CPEB1: variants seen among roughly 807,000 people sequenced by gnomAD.
The protein encoded by CPEB1 is cytoplasmic polyadenylation element binding protein 1, also known as cytoplasmic polyadenylation element-binding protein 1.
In CPEB1, 7 loss-of-function variants were observed where a neutral mutation model predicts 65.8. The ratio of observed to expected loss-of-function variants is 0.11; its 90% confidence interval spans 0.06 to 0.20. CPEB1 has a LOEUF of 0.20. CPEB1 is among the 10% of genes least tolerant of loss of function. CPEB1 has a pLI of 1.00. For missense variants in CPEB1, 551 were observed against 712.2 expected (o/e 0.77, Z 2.58); for synonymous variants, 262 against 260.0 (o/e 1.01, Z -0.08).
At chr15:82,558,812 C>CA (rs1182134426) in intron 4 of CPEB1, among the ~76,000 whole-genome samples, 3 of 152,052 alleles carry the variant, frequency 2.0e-5, no homozygotes, top group South Asian at 2.1e-4. Context: ...AAATATGAAA[C>CA]AAAAAAAGAG....
In CPEB1 at chr15:82,581,779, C is replaced by A. The variant is rs576389173; in HGVS notation, c.272-10247G>T. ...CCGACACCAGGTTTTTGTTGAATTG[C>A]TTTTGTTGAATTGCCATCCAAGTGG... On this transcript the variant is annotated intron_variant, in intron 3 of 12. Transcript: ENST00000684509. Among the ~76,000 whole-genome samples, 5 of 152,206 alleles carry A rather than the reference C, an allele frequency of 3.3e-5. No homozygotes were observed. The South Asian group carries it at 8.3e-4, about 25-fold the overall frequency.
chr15:82,563,991 T>C (rs1276587651), intron 4 of CPEB1, among the ~76,000 whole-genome samples: 1 of 152,156 alleles, frequency 6.6e-6, no homozygotes, highest in African/African-American at 2.4e-5. Context: ...GAGTCTCTAT[T>C]AGAAGAAATA....
At chr15:82,556,177 A>G in intron 5 of CPEB1, 55 bp from the exon 6 acceptor site, 4 of 1,499,252 alleles carry the variant, frequency 2.7e-6, no homozygotes, top group Non-Finnish European at 3.6e-6. Flanking sequence ...TTATAAAGTA[A>G]TAATCACATT....
At position 82,543,986 on chromosome 15, in the gene CPEB1, C is replaced by T. The variant is rs1359948119; in HGVS notation, c.*606G>A. On this transcript the variant is annotated 3_prime_UTR_variant, in exon 13 of 13. Coordinates refer to ENST00000684509, the MANE Select transcript of CPEB1 (RefSeq NM_001365242.1). Reference sequence around the variant, plus strand: ...TGTTTTAAGGAGTGTAAAAAGGAACCGGTAAAAACCCTCGAGCGTAAAATA... The same window carrying T: ...TGTTTTAAGGAGTGTAAAAAGGAACTGGTAAAAACCCTCGAGCGTAAAATA... 10 of 152,108 alleles carry T rather than the reference C, an allele frequency of 6.6e-5. No individual in the cohort carries two copies. The highest frequency in any genetic ancestry group is 3.9e-4 in the East Asian group (2 of 5,186). 9.4% of individuals were successfully genotyped at this position (152,108 alleles called of 1,614,324 possible).
At chr15:82,625,341 G>A (rs1360818750) in intron 3 of CPEB1, among the ~76,000 whole-genome samples, 2 of 151,408 alleles carry the variant, frequency 1.3e-5, no homozygotes, top group Admixed American at 6.6e-5. Flanking sequence ...CTTCCTGTAC[G>A]ACAGAAGCAA....
At chr15:82,571,017 GC>G (rs1426733765) in intron 4 of CPEB1, among the ~76,000 whole-genome samples, 3 of 152,158 alleles carry the variant, frequency 2.0e-5, no homozygotes, top group Non-Finnish European at 4.4e-5. Context: ...TCCAAGACAG[GC>G]CTGGGCACCA....
At chr15:82,586,778 C>A (rs1020514552) in intron 3 of CPEB1, among the ~76,000 whole-genome samples, 2 of 152,216 alleles carry the variant, frequency 1.3e-5, no homozygotes, top group African/African-American at 4.8e-5. Context: ...TACTTAGCGA[C>A]ATGGAATTGC....
intron 3 of CPEB1, among the ~76,000 whole-genome samples, chr15:82,617,391 A>G (rs1034010891): frequency 6.6e-6 from 1 of 152,186 alleles, no homozygotes; most frequent in African/African-American, 2.4e-5. Flanking sequence ...AAATGGTTTC[A>G]TTTCTCTTGA....
chr15:82,576,366 AGAGT>A (rs1302225034), intron 3 of CPEB1, among the ~76,000 whole-genome samples: 1 of 152,220 alleles, frequency 6.6e-6, no homozygotes, highest in African/African-American at 2.4e-5. Context: ...TATTTTGATG[AGAGT>A]GAGGATACAT....
At chr15:82,577,502 C>A (rs1172808372) in intron 3 of CPEB1, among the ~76,000 whole-genome samples, 1 of 152,092 alleles carries the variant, frequency 6.6e-6, no homozygotes, top group Admixed American at 6.5e-5. Flanking sequence ...TAGTAGTAAT[C>A]TCAAATCTGT....
chr15:82,631,926 G>C (rs2046280482), intron 1 of CPEB1, among the ~76,000 whole-genome samples: 1 of 148,430 alleles, frequency 6.7e-6, no homozygotes, highest in South Asian at 2.1e-4. Context: ...TATACATAAT[G>C]ACCTATCTTA....
chr15:82,602,180 T>A lies in CPEB1; in HGVS notation c.271+25013A>T, dbSNP rs375485862. ...GGATGTTCTATGACCATAGTGGAAT[T>A]AAGATAAAAATTCATAACAAAAAGA... On this transcript the variant is annotated intron_variant, in intron 3 of 12. Coordinates refer to ENST00000684509, the MANE Select transcript of CPEB1 (RefSeq NM_001365242.1). 2.3e-4 allele frequency among the ~76,000 whole-genome samples: 35 copies of A among 152,222 alleles called. No individual in the cohort carries two copies. In the East Asian group the frequency reaches 6.2e-3, roughly 27 times the overall value.
intron 3 of CPEB1, among the ~76,000 whole-genome samples, chr15:82,581,521 CCA>C (rs1425376457): frequency 1.3e-5 from 2 of 152,074 alleles, no homozygotes; most frequent in Non-Finnish European, 2.9e-5. Context: ...TTTGGAAGCA[CCA>C]CACTCTTTTC....
chr15:82,607,307 G>A lies in CPEB1; in HGVS notation c.271+19886C>T, dbSNP rs150678359. 7.2e-5 allele frequency among the ~76,000 whole-genome samples: 11 copies of A among 152,256 alleles called. 1 individual carries two copies. In the East Asian group the frequency reaches 2.1e-3, roughly 29 times the overall value. ...TTTAAGACTCAAAGACACAAATAGG[G>A]CTGGGCACGGTGGCTCACGCCTGTA... On this transcript the variant is annotated intron_variant, in intron 3 of 12. Coordinates refer to ENST00000684509, the MANE Select transcript of CPEB1 (RefSeq NM_001365242.1).
intron 3 of CPEB1, among the ~76,000 whole-genome samples, chr15:82,612,342 C>T (rs1490012540): frequency 6.6e-6 from 1 of 151,524 alleles, no homozygotes; most frequent in Admixed American, 6.6e-5. Context: ...ACTAAAAATA[C>T]AAAAATTAGC....
At chr15:82,613,040 A>G (rs1158624501) in intron 3 of CPEB1, among the ~76,000 whole-genome samples, 1 of 152,198 alleles carries the variant, frequency 6.6e-6, no homozygotes, top group African/African-American at 2.4e-5. Context: ...GAGGAAAAAA[A>G]AAAACTTTTC....
intron 3 of CPEB1, among the ~76,000 whole-genome samples, chr15:82,616,752 A>T (rs9630495): frequency 0.027 from 4,035 of 152,192 alleles, 86 homozygotes; most frequent in Admixed American, 0.047. Context: ...CATGTTGGCC[A>T]GGCTGGTTAA....
chr15:82,645,355 G>C (rs1460900372), intron 1 of CPEB1, among the ~76,000 whole-genome samples: 1 of 152,038 alleles, frequency 6.6e-6, no homozygotes, highest in Non-Finnish European at 1.5e-5. Flanking sequence ...AATTCACCTT[G>C]TTGGCCAGGC....
Position 82,547,255 on chromosome 15 carries a change from A to AG in CPEB1, c.1481-19dup. 1 of 1,447,150 alleles carries AG rather than the reference A, an allele frequency of 6.9e-7. No individual in the cohort carries two copies. Among genetic ancestry groups the AG allele is most frequent in the Non-Finnish European group, 9.6e-7 (1 of 1,039,276 alleles). 89.6% of individuals were successfully genotyped at this position (1,447,150 alleles called of 1,614,324 possible). ...ACCAGAACCTAGGACAACAGACACA[A>AG]GCTTCCCTTCTAACCAAATTCTCCC... On this transcript the variant is annotated intron_variant, in intron 10 of 12. Coordinates refer to ENST00000684509, the MANE Select transcript of CPEB1 (RefSeq NM_001365242.1).
Sources: allele counts gnomAD v4.1 joint callset (sites outside exome capture counted in the v4.1 genomes callset), GRCh38; gene constraint gnomAD v4.1.1; transcripts MANE v1.5; gene names NCBI Gene and HGNC (gene_info 2026-07-23, HGNC 2026-07-21).